Variants in TENM3 observed in about 807,000 individuals in gnomAD.
TENM3 encodes teneurin transmembrane protein 3, also known as teneurin-3.
A neutral mutation model predicts 255.1 loss-of-function variants in TENM3; 63 were observed. The ratio of observed to expected loss-of-function variants is 0.25; its 90% CI spans 0.20 to 0.30. TENM3 has a LOEUF of 0.30. Among genes scored for constraint, TENM3 ranks in the 10% least tolerant of loss-of-function variants. TENM3 has a pLI of 1.00. For missense variants in TENM3, 2,929 were observed against 3,461.1 expected (o/e 0.85, Z 3.86); for synonymous variants, 1,306 against 1,322.3 (o/e 0.99, Z 0.27).
chr4:182,102,509 C>A, the TENM3 span, among the ~76,000 whole-genome samples: 3,570 of 152,274 alleles, frequency 0.023, 118 homozygotes, highest in East Asian at 0.15. Flanking sequence ...AATCAAAATG[C>A]GCTTTTTAGG....
At chr4:181,907,763 G>A in the TENM3 span, among the ~76,000 whole-genome samples, 1 of 152,166 alleles carries the variant, frequency 6.6e-6, no homozygotes, top group Non-Finnish European at 1.5e-5. Flanking sequence ...CATAGAGCAA[G>A]CGGGATCTGA....
intron 5 of TENM3, among the ~76,000 whole-genome samples, chr4:182,652,767 G>C (rs1753425606): frequency 6.6e-6 from 1 of 151,972 alleles, no homozygotes; most frequent in Non-Finnish European, 1.5e-5. Flanking sequence ...CATACAGTAA[G>C]TAAAATAATG....
intron 1 of TENM3, among the ~76,000 whole-genome samples, chr4:182,200,456 A>G (rs892381911): frequency 6.6e-6 from 1 of 152,222 alleles, no homozygotes; most frequent in Non-Finnish European, 1.5e-5. Context: ...CTCTCAATTT[A>G]ACCAGCTGGA....
chr4:182,606,337 A>G (rs537868139), intron 4 of TENM3, among the ~76,000 whole-genome samples: 2 of 152,100 alleles, frequency 1.3e-5, no homozygotes, highest in South Asian at 4.2e-4. Context: ...CAGCCTGGCC[A>G]ACATGGTGAA....
chr4:181,686,841 A>G, the TENM3 span, among the ~76,000 whole-genome samples: 5 of 152,178 alleles, frequency 3.3e-5, no homozygotes, highest in East Asian at 7.7e-4. Context: ...TCGATGAACT[A>G]TAGCTTGGCA....
rs145044904 is a variant in TENM3 at position 182,456,465 on chromosome 4, A to G, written c.511+109536A>G. Among the ~76,000 whole-genome samples the G allele has an allele frequency of 1.1e-3, 171 of 152,310 alleles. 1 individual carries two copies. Among genetic ancestry groups the G allele is most frequent in the Non-Finnish European group, 2.0e-3 (138 of 68,024 alleles). On this transcript the variant is annotated intron_variant, in intron 3 of 27. Transcript: ENST00000511685. The stretch of plus-strand genomic sequence containing the variant: ...GATTTTGGGGTAGCTAAGTTCCGAT[A>G]GGTGTTAGGTGTTTAGGTGAAGCAA...
intron 18 of TENM3, among the ~76,000 whole-genome samples, chr4:182,740,824 C>T (rs1448384667): frequency 2.0e-5 from 3 of 152,054 alleles, no homozygotes; most frequent in Admixed American, 2.0e-4. Context: ...AATACCAGGG[C>T]AGATGTAAAA....
chr4:182,547,000 T>G (rs1741516004), intron 3 of TENM3, among the ~76,000 whole-genome samples: 1 of 152,166 alleles, frequency 6.6e-6, no homozygotes, highest in African/African-American at 2.4e-5. Context: ...TTTCTAAATC[T>G]TCAATATGCA....
chr4:181,452,089 A>G, the TENM3 span, among the ~76,000 whole-genome samples: 41 of 152,264 alleles, frequency 2.7e-4, no homozygotes, highest in East Asian at 6.4e-3. Context: ...TGAGATGAAG[A>G]TTATGAAGTA....
chr4:181,730,891 G>A, the TENM3 span, among the ~76,000 whole-genome samples: 13 of 152,052 alleles, frequency 8.5e-5, no homozygotes, highest in African/African-American at 3.1e-4. Context: ...AGATAAGATC[G>A]GCAATTCTCG....
chr4:182,625,988 A>G (rs1750781305), intron 4 of TENM3, among the ~76,000 whole-genome samples: 1 of 152,210 alleles, frequency 6.6e-6, no homozygotes, highest in African/African-American at 2.4e-5. Context: ...AATTGACAGC[A>G]TGAAAAGAAA....
chr4:182,567,222 A>G (rs1026180880), intron 3 of TENM3, among the ~76,000 whole-genome samples: 1 of 152,096 alleles, frequency 6.6e-6, no homozygotes, highest in African/African-American at 2.4e-5. Context: ...TCTATTGTCA[A>G]AGTATGTTCA....
chr4:182,260,586 T>C (rs988145618), intron 1 of TENM3, among the ~76,000 whole-genome samples: 3 of 152,180 alleles, frequency 2.0e-5, no homozygotes, highest in Non-Finnish European at 4.4e-5. Context: ...TTTATACTTC[T>C]GTTTTTGATA....
chr4:181,986,599 C>T, the TENM3 span, among the ~76,000 whole-genome samples: 1 of 152,048 alleles, frequency 6.6e-6, no homozygotes, highest in Non-Finnish European at 1.5e-5. Context: ...ATACCTATAG[C>T]GTTGTGGGAT....
the TENM3 span, among the ~76,000 whole-genome samples, chr4:181,616,314 TACACAC>T: frequency 0.021 from 2,162 of 103,674 alleles, 35 homozygotes; most frequent in Middle Eastern, 0.072. Context: ...ACCCATAGAA[TACACAC>T]ACACACACAC....
the TENM3 span, among the ~76,000 whole-genome samples, chr4:181,959,321 C>T: frequency 1.3e-5 from 2 of 152,126 alleles, no homozygotes; most frequent in Admixed American, 1.3e-4. Flanking sequence ...GCCCGTCTCT[C>T]TCACTGACTG....
chr4:182,307,137 A>G (rs1762181006), intron 1 of TENM3, among the ~76,000 whole-genome samples: 1 of 152,232 alleles, frequency 6.6e-6, no homozygotes. Flanking sequence ...ACCATTACAC[A>G]CTTGTACATA....
chr4:181,619,757 G>T, the TENM3 span, among the ~76,000 whole-genome samples: 11 of 152,144 alleles, frequency 7.2e-5, no homozygotes, highest in Admixed American at 1.3e-4. Context: ...AAATCAATGC[G>T]CATGTCAACC....
the TENM3 span, among the ~76,000 whole-genome samples, chr4:181,818,719 C>T: frequency 1.3e-5 from 2 of 151,588 alleles, no homozygotes; most frequent in Middle Eastern, 3.2e-3. Flanking sequence ...AAGTGATTCT[C>T]GTGCCTCAGC....
Sources: allele counts gnomAD v4.1 joint callset (sites outside exome capture counted in the v4.1 genomes callset), GRCh38; gene constraint gnomAD v4.1.1; transcripts MANE v1.5; gene names NCBI Gene and HGNC (gene_info 2026-07-23, HGNC 2026-07-21).